Variants in SDK1 observed in about 807,000 individuals in gnomAD.
SDK1 encodes protein sidekick-1.
A neutral mutation model predicts 245.5 loss-of-function variants in SDK1; 157 were observed. The observed-to-expected ratio is 0.64, with a 90% CI of 0.56 to 0.73. The LOEUF (loss-of-function observed/expected upper bound fraction) is 0.73. SDK1 is among the 30% of genes least tolerant of loss of function. SDK1 has a pLI of 0.00. For synonymous variants in SDK1, 1,647 were observed against 1,278.5 expected, an observed-to-expected ratio of 1.29 and a Z score of -6.15; for missense variants, 3,583 against 3,002.3, an observed-to-expected ratio of 1.19 and a Z score of -4.52.
At chr7:3,710,156 T>C (rs917427070) in intron 4 of SDK1, among the ~76,000 whole-genome samples, 1 of 152,236 alleles carries the variant, frequency 6.6e-6, no homozygotes, top group Non-Finnish European at 1.5e-5. Flanking sequence ...CTCTCATTTT[T>C]CACTGACAGA....
chr7:3,499,118 T>C (rs911258982), intron 1 of SDK1, among the ~76,000 whole-genome samples: 2 of 152,248 alleles, frequency 1.3e-5, no homozygotes, highest in African/African-American at 4.8e-5. Context: ...TTGATTTTAA[T>C]GTAGTTACTG....
At chr7:3,347,253 G>A (rs1780533076) in intron 1 of SDK1, among the ~76,000 whole-genome samples, 1 of 151,862 alleles carries the variant, frequency 6.6e-6, no homozygotes, top group Non-Finnish European at 1.5e-5. Context: ...CAATTTTGTA[G>A]TACTCTGACA....
At chr7:4,040,263 C>T (rs1231371082) in intron 17 of SDK1, among the ~76,000 whole-genome samples, 1 of 152,126 alleles carries the variant, frequency 6.6e-6, no homozygotes, top group Non-Finnish European at 1.5e-5. Flanking sequence ...TTAATCCAGT[C>T]CCTGCTCCTC....
chr7:3,719,560 A>G (rs771363202), intron 4 of SDK1, among the ~76,000 whole-genome samples: 6 of 152,238 alleles, frequency 3.9e-5, no homozygotes, highest in African/African-American at 9.6e-5. Context: ...GGCCTTTACA[A>G]TAATTGTAGC....
Position 3,403,282 on chromosome 7 carries a change from C to A in SDK1, c.298+101398C>A, listed in dbSNP as rs977577850. 2.6e-5 allele frequency among the ~76,000 whole-genome samples: 4 copies of A among 152,116 alleles called. No homozygotes were observed. The South Asian group carries it at 6.2e-4, about 24-fold the overall frequency. On this transcript the variant is annotated intron_variant, in intron 1 of 44. Coordinates refer to ENST00000404826, the MANE Select transcript of SDK1 (RefSeq NM_152744.4). ...TACTTATTAGAAGATCTCTAAGATTCCTGTAATTTAAAATTTTGTAATTTC... is the reference window on the plus strand; with the variant it reads ...TACTTATTAGAAGATCTCTAAGATTACTGTAATTTAAAATTTTGTAATTTC...
chr7:3,939,000 C>T (rs369366111), intron 5 of SDK1, among the ~76,000 whole-genome samples: 7 of 152,270 alleles, frequency 4.6e-5, no homozygotes, highest in Middle Eastern at 3.4e-3. Flanking sequence ...TATCGTCTCT[C>T]GTCAGTAGAA....
intron 1 of SDK1, among the ~76,000 whole-genome samples, chr7:3,431,358 G>GTTTTTTTTTTTTTTTTTTTTTTTTTTT (rs34510123): frequency 1.7e-5 from 2 of 118,370 alleles, no homozygotes; most frequent in Non-Finnish European, 3.4e-5. Flanking sequence ...AATGTGGGAG[G>GTTTTTTTTTTTTTTTTTTTTTTTTTTT]TTTTTTTTTT....
intron 1 of SDK1, among the ~76,000 whole-genome samples, chr7:3,342,395 C>T (rs1021436772): frequency 1.4e-4 from 21 of 152,104 alleles, no homozygotes; most frequent in African/African-American, 5.1e-4. Flanking sequence ...TTGAGATCAG[C>T]CTGACCGACA....
At chr7:3,828,438 T>G (rs1432844148) in intron 5 of SDK1, among the ~76,000 whole-genome samples, 1 of 151,942 alleles carries the variant, frequency 6.6e-6, no homozygotes, top group East Asian at 1.9e-4. Flanking sequence ...AAGAAAAGAT[T>G]AGAATTAAAC....
intron 1 of SDK1, among the ~76,000 whole-genome samples, chr7:3,588,787 A>G (rs1304428795): frequency 6.6e-6 from 1 of 152,234 alleles, no homozygotes; most frequent in East Asian, 1.9e-4. Context: ...AATTGATAAA[A>G]GTGTAAAGCT....
At position 3,699,317 on chromosome 7, in the gene SDK1, G is replaced by A. The variant is rs756142070; in HGVS notation, c.713+57212G>A. On this transcript the variant is annotated intron_variant, in intron 4 of 44. Transcript: ENST00000404826. Reference sequence around the variant, plus strand: ...GATGATACAGATGTTAGAGATGTCCGACCAGCATTTTAAAGCCAGTCATAA... The same window carrying A: ...GATGATACAGATGTTAGAGATGTCCAACCAGCATTTTAAAGCCAGTCATAA... Among the ~76,000 whole-genome samples the A allele has an allele frequency of 4.6e-5, 7 of 152,192 alleles. No individual in the cohort carries two copies. In the East Asian group the frequency reaches 7.7e-4, roughly 17 times the overall value.
At chr7:3,591,307 C>T (rs929869169) in intron 1 of SDK1, among the ~76,000 whole-genome samples, 3 of 152,150 alleles carry the variant, frequency 2.0e-5, no homozygotes, top group Non-Finnish European at 4.4e-5. Flanking sequence ...CTCCCAGTAG[C>T]CCCTTTTTAA....
intron 1 of SDK1, among the ~76,000 whole-genome samples, chr7:3,404,154 G>C (rs1778989564): frequency 6.6e-6 from 1 of 151,914 alleles, no homozygotes; most frequent in South Asian, 2.1e-4. Flanking sequence ...GGCATCAATA[G>C]ACTTGCTGGA....
intron 1 of SDK1, among the ~76,000 whole-genome samples, chr7:3,434,834 G>A (rs1779972907): frequency 6.6e-6 from 1 of 152,132 alleles, no homozygotes. Context: ...CCCTAGTGGA[G>A]CCTGCCAAGA....
chr7:4,213,893 G>A (rs979804304), intron 38 of SDK1, among the ~76,000 whole-genome samples: 6 of 152,258 alleles, frequency 3.9e-5, no homozygotes, highest in African/African-American at 9.6e-5. Flanking sequence ...AGCATGTCCC[G>A]CTTACATGGG....
chr7:3,336,457 C>G (rs763945691), intron 1 of SDK1, among the ~76,000 whole-genome samples: 4 of 152,146 alleles, frequency 2.6e-5, no homozygotes, highest in Non-Finnish European at 5.9e-5. Context: ...CCCCACCAGC[C>G]ACAATGAGGT....
rs376913656 is a variant in SDK1 at position 4,077,068 on chromosome 7, G to A, written c.3081G>A (p.Thr1027=). 35 of 1,614,028 alleles carry A rather than the reference G, an allele frequency of 2.2e-5. No homozygotes were observed. The highest frequency in any genetic ancestry group is 2.7e-5 in the Non-Finnish European group (32 of 1,180,032). Residue 1027 remains threonine (T), a synonymous_variant, in exon 21 of 45, where the codon ACG becomes ACA. Coordinates refer to ENST00000404826, the MANE Select transcript of SDK1 (RefSeq NM_152744.4). ...SRLTHTLNST[T]HEYKIQGLSS... ...TCACGCACACCCTGAACAGCACGAC[G>A]CACGAGTACAAGATCCAAGGCCTCT...
intron 1 of SDK1, among the ~76,000 whole-genome samples, chr7:3,546,658 G>T (rs891592475): frequency 4.6e-5 from 7 of 152,192 alleles, no homozygotes; most frequent in African/African-American, 1.7e-4. Context: ...CTGCCCAGGG[G>T]GGACGTCTCC....
chr7:3,460,289 A>G lies in SDK1; in HGVS notation c.298+158405A>G, dbSNP rs370829329. Among the ~76,000 whole-genome samples the G allele has an allele frequency of 2.1e-4, 32 of 152,330 alleles. 2 individuals carry two copies. The highest frequency in any genetic ancestry group is 6.7e-4 in the African/African-American group (28 of 41,588). ...GATGATTGATTAATTTATGCCTTTC[A>G]TAAGGATGCTCTGAGAAAGAAATGA... On this transcript the variant is annotated intron_variant, in intron 1 of 44. Coordinates refer to ENST00000404826, the MANE Select transcript of SDK1 (RefSeq NM_152744.4).
Sources: gnomAD v4.1 joint callset for allele counts (sites outside exome capture counted in the v4.1 genomes callset) on GRCh38, gnomAD v4.1.1 for gene constraint, MANE v1.5 for transcripts, NCBI Gene and HGNC (gene_info 2026-07-23, HGNC 2026-07-21) for gene names.